CHST12: variants seen among roughly 807,000 people sequenced by gnomAD.
CHST12 encodes carbohydrate sulfotransferase 12, also known as carbohydrate (chondroitin 4) sulfotransferase 12.
CHST12 carries 23 observed loss-of-function variants against 27.9 expected under a neutral mutation model. The observed-to-expected ratio is 0.82, with a 90% CI of 0.59 to 1.17. The LOEUF is 1.17. Among genes scored for constraint, CHST12 ranks in the 50% most tolerant of loss-of-function variants. The pLI is 0.00. For missense variants in CHST12, 682 were observed against 603.0 expected, an observed-to-expected ratio of 1.13 and a Z score of -1.37; for synonymous variants, 322 against 273.0, an observed-to-expected ratio of 1.18 and a Z score of -1.77.
chr7:2,431,869 TG>T (rs888431500), intron 1 of CHST12, among the ~76,000 whole-genome samples: 1 of 152,050 alleles, frequency 6.6e-6, no homozygotes, highest in African/African-American at 2.4e-5. Flanking sequence ...AGTTAAGGAA[TG>T]GTTCCCAAGA....
rs77756297 is a variant in CHST12, at chr7:2,427,264, C to T, written c.-77-5299C>T. On this transcript the variant is annotated intron_variant, in intron 1 of 1. Transcript: ENST00000618655. ...AGAAATTCATAGCACTTTGCGAGGC[C>T]GAGGTGGCCAGCTTGCTAGAGCCCA... Among the ~76,000 whole-genome samples, 454 of 152,200 alleles carry T rather than the reference C, an allele frequency of 3.0e-3. 3 individuals carry two copies. Among genetic ancestry groups the T allele is most frequent in the African/African-American group, 0.01 (436 of 41,534 alleles).
At chr7:2,427,778 C>T (rs76062244) in intron 1 of CHST12, among the ~76,000 whole-genome samples, 2,564 of 152,132 alleles carry the variant, frequency 0.017, 59 homozygotes, top group African/African-American at 0.059. Context: ...AACATTGAGC[C>T]GTTCTTGCAT....
intron 1 of CHST12, among the ~76,000 whole-genome samples, chr7:2,428,565 T>C (rs539378954): frequency 7.2e-4 from 110 of 152,276 alleles, no homozygotes; most frequent in African/African-American, 2.5e-3. Flanking sequence ...GCATTTATTA[T>C]TAAGTTTAGT....
chr7:2,429,356 G>A (rs751112683), intron 1 of CHST12, among the ~76,000 whole-genome samples: 21 of 152,086 alleles, frequency 1.4e-4, no homozygotes, highest in Non-Finnish European at 2.5e-4. Context: ...GATTACAAGC[G>A]TGAGCCACGA....
At chr7:2,431,716 AC>A (rs1378235424) in intron 1 of CHST12, among the ~76,000 whole-genome samples, 1 of 152,142 alleles carries the variant, frequency 6.6e-6, no homozygotes, top group African/African-American at 2.4e-5. Flanking sequence ...TGTGCCACTT[AC>A]TTTTGGGAAG....
chr7:2,422,675 A>T (rs2115418167), intron 1 of CHST12, among the ~76,000 whole-genome samples: 1 of 152,174 alleles, frequency 6.6e-6, no homozygotes, highest in Non-Finnish European at 1.5e-5. Context: ...AGCTGGGACT[A>T]CAGGCACACA....
intron 1 of CHST12, among the ~76,000 whole-genome samples, chr7:2,429,387 G>A (rs1313690345): frequency 6.6e-6 from 1 of 151,394 alleles, no homozygotes; most frequent in Non-Finnish European, 1.5e-5. Flanking sequence ...CTTTTTTTTT[G>A]TACTTATTTT....
chr7:2,403,486 G>A (rs1045366811), upstream of CHST12: 1 of 151,910 alleles, frequency 6.6e-6, no homozygotes, highest in Non-Finnish European at 1.5e-5. Flanking sequence ...GGCGCGCTGA[G>A]GGCGGGCGCC....
At chr7:2,426,059 C>T (rs1782110552) in intron 1 of CHST12, among the ~76,000 whole-genome samples, 1 of 152,006 alleles carries the variant, frequency 6.6e-6, no homozygotes, top group South Asian at 2.1e-4. Flanking sequence ...CCTGCATAGT[C>T]CGGGATGGGA....
chr7:2,423,865 G>A (rs1182953761), intron 1 of CHST12, among the ~76,000 whole-genome samples: 1 of 152,108 alleles, frequency 6.6e-6, no homozygotes, highest in African/African-American at 2.4e-5. Context: ...CCAGGAGTTC[G>A]AGACCAGCCT....
chr7:2,439,810 C>A lies in CHST12; in HGVS notation c.*5926C>A, dbSNP rs911095862. The A allele has an allele frequency of 2.0e-5, 3 of 151,778 alleles. No individual in the cohort carries two copies. The highest frequency in any genetic ancestry group is 7.3e-5 in the African/African-American group (3 of 41,360). The allele number at this position is 151,778 out of a possible 1,614,324, so 9.4% of individuals were successfully genotyped here. A position where few individuals can be genotyped will look rare whatever the true frequency, so the allele number is the denominator to read the frequency against. On this transcript the variant is annotated 3_prime_UTR_variant, in exon 2 of 2. Coordinates refer to ENST00000618655, the MANE Select transcript of CHST12 (RefSeq NM_018641.5). ...AGGAGAATGGCGTGAACCCGGGAGG[C>A]GGAGCTTGCAGTGAGCGGAGATTGG...
chr7:2,404,531 C>T (rs997832578), intron 1 of CHST12, among the ~76,000 whole-genome samples: 1 of 152,234 alleles, frequency 6.6e-6, no homozygotes, highest in Non-Finnish European at 1.5e-5. Flanking sequence ...GACACCAGGC[C>T]CTACGGTGCT....
chr7:2,414,461 T>G (rs1358561023), intron 1 of CHST12, among the ~76,000 whole-genome samples: 1 of 151,880 alleles, frequency 6.6e-6, no homozygotes, highest in African/African-American at 2.4e-5. Flanking sequence ...TTTTTTGTAA[T>G]TTTAGTGGAG....
At position 2,434,673 on chromosome 7, in the gene CHST12, G is replaced by A. The variant is rs1410981458; in HGVS notation, c.*789G>A. The A allele has an allele frequency of 2.0e-5, 3 of 148,712 alleles. No homozygotes were observed. The highest frequency in any genetic ancestry group is 7.5e-5 in the African/African-American group (3 of 40,248). The allele number at this position is 148,712 out of a possible 1,614,324, so 9.2% of individuals were successfully genotyped here. On this transcript the variant is annotated 3_prime_UTR_variant, in exon 2 of 2. Transcript: ENST00000618655. ...CCCAGCTACTCAGGAGTTCTGAGAT[G>A]GAAAGATTGCTTGAACCCAGGAGGC...
At chr7:2,404,994 C>A (rs1475617905) in intron 1 of CHST12, among the ~76,000 whole-genome samples, 1 of 150,752 alleles carries the variant, frequency 6.6e-6, no homozygotes, top group Non-Finnish European at 1.5e-5. Flanking sequence ...CAGAATGTGG[C>A]GACATTTTCC....
chr7:2,412,132 A>G (rs1410986105), intron 1 of CHST12, among the ~76,000 whole-genome samples: 1 of 152,222 alleles, frequency 6.6e-6, no homozygotes, highest in Non-Finnish European at 1.5e-5. Context: ...TGGGATATAA[A>G]TCAACATTCC....
chr7:2,409,914 G>A (rs1007710550), intron 1 of CHST12, among the ~76,000 whole-genome samples: 10 of 151,888 alleles, frequency 6.6e-5, no homozygotes, highest in Admixed American at 1.3e-4. Flanking sequence ...ATGCTGTCTC[G>A]TCGTTGTGGT....
intron 1 of CHST12, among the ~76,000 whole-genome samples, chr7:2,413,363 A>G (rs1554279858): frequency 1.3e-5 from 2 of 152,128 alleles, no homozygotes; most frequent in African/African-American, 2.4e-5. Flanking sequence ...AACCACAAAC[A>G]TTTTCTTTTT....
Position 2,435,080 on chromosome 7 carries a change from A to G in CHST12, c.*1196A>G, listed in dbSNP as rs1439559735. 6.6e-6 allele frequency: 1 copy of G among 150,964 alleles called. No homozygotes were observed. The highest frequency in any genetic ancestry group is 1.5e-5 in the Non-Finnish European group (1 of 67,786). The allele number at this position is 150,964 out of a possible 1,614,324, so 9.4% of individuals were successfully genotyped here. ...AAAATAAGAAAATCAGCCGGACATG[A>G]TGGTGCACACCTGTAATCCCAGCTA... On this transcript the variant is annotated 3_prime_UTR_variant, in exon 2 of 2. Transcript: ENST00000618655.
Sources: allele counts gnomAD v4.1 joint callset (sites outside exome capture counted in the v4.1 genomes callset), GRCh38; gene constraint gnomAD v4.1.1; transcripts MANE v1.5; gene names NCBI Gene and HGNC (gene_info 2026-07-23, HGNC 2026-07-21).